KCNQ1: variants seen among roughly 807,000 people sequenced by gnomAD.
The protein encoded by KCNQ1 is potassium voltage-gated channel subfamily KQT member 1.
KCNQ1 carries 49 observed loss-of-function variants against 72.4 expected under a neutral mutation model. That is an observed-to-expected ratio of 0.68 (90% confidence interval 0.54 to 0.86). The LOEUF (loss-of-function observed/expected upper bound fraction) is 0.86, where lower values mean the gene tolerates loss of function less well. Among genes scored for constraint, KCNQ1 ranks in the 40% least tolerant of loss-of-function variants. The pLI, the probability that KCNQ1 is intolerant of heterozygous loss-of-function variation, is 0.00. For synonymous variants in KCNQ1, 450 were observed against 412.6 expected (o/e 1.09, Z -1.10); for missense variants, 790 against 945.1 (o/e 0.84, Z 2.15).
At position 2,751,549 on chromosome 11, in the gene KCNQ1, A is replaced by C. The variant is rs144368861; in HGVS notation, c.1515-17295A>C. Among the ~76,000 whole-genome samples the C allele has an allele frequency of 4.9e-3, 742 of 152,348 alleles. 6 individuals are homozygous for C. Among genetic ancestry groups the C allele is most frequent in the African/African-American group, 0.017 (699 of 41,584 alleles). ...AGCTCCGAAATGAGCATCTGAGTTC[A>C]CTGCTGGTGGGCACCATCCCGGCCA... On this transcript the variant is annotated intron_variant, in intron 11 of 15. Coordinates refer to ENST00000155840, the MANE Select transcript of KCNQ1 (RefSeq NM_000218.3).
chr11:2,668,160 A>C lies in KCNQ1; in HGVS notation c.1514+6079A>C. The C allele has an allele frequency of 2.5e-6, 1 of 398,616 alleles. No homozygotes were observed. Among genetic ancestry groups the C allele is most frequent in the Non-Finnish European group, 4.4e-6 (1 of 226,080 alleles). The allele number at this position is 398,616 out of a possible 1,614,324, so 24.7% of individuals were successfully genotyped here. ...GGGGCTGAAGGGAGAGTGCTCCCTC[A>C]TGCTCCTTGCTGACTGGTGCTCCAT... On this transcript the variant is annotated intron_variant, in intron 11 of 15. Coordinates refer to ENST00000155840, the MANE Select transcript of KCNQ1 (RefSeq NM_000218.3). This position sits in a 1 kb window ranked among gnomAD's most constrained non-coding sequence, Gnocchi z 4.3.
In KCNQ1 at chr11:2,784,084, T is replaced by C. The variant is rs755251137; in HGVS notation, c.1794+6047T>C. 6.6e-6 allele frequency among the ~76,000 whole-genome samples: 1 copy of C among 152,036 alleles called. No individual in the cohort carries two copies. Among genetic ancestry groups the C allele is most frequent in the Non-Finnish European group, 1.5e-5 (1 of 67,876 alleles). The stretch of plus-strand genomic sequence containing the variant: ...TGCCTAATCCAAAGCCATAAACATT[T>C]TCTCCTGTTTTGTTTTGGGTTTTTT... On this transcript the variant is annotated intron_variant, in intron 15 of 15. Coordinates refer to ENST00000155840, the MANE Select transcript of KCNQ1 (RefSeq NM_000218.3). The surrounding 1 kb of genome is among the most constrained non-coding windows in gnomAD (Gnocchi z 4.7).
rs1160930733 is a variant in KCNQ1, at chr11:2,457,278, CCAG to C, written c.386+11798_386+11800del. On this transcript the variant is annotated intron_variant, in intron 1 of 15. Transcript: ENST00000155840. This position sits in a 1 kb window ranked among gnomAD's most constrained non-coding sequence, Gnocchi z 5.0. ...ACCAAGAGTTGAACTACCATTCGATCCAGCAGTCCCGTGTGCTGAGTTTATACC... is the reference window on the plus strand; with the variant it reads ...ACCAAGAGTTGAACTACCATTCGATCCAGTCCCGTGTGCTGAGTTTATACC... Among the ~76,000 whole-genome samples the C allele has an allele frequency of 6.6e-6, 1 of 152,174 alleles. No homozygotes were observed. Among genetic ancestry groups the C allele is most frequent in the African/African-American group, 2.4e-5 (1 of 41,436 alleles).
chr11:2,751,448 G>A (rs1024503966), intron 11 of KCNQ1, among the ~76,000 whole-genome samples: 7 of 152,060 alleles, frequency 4.6e-5, no homozygotes, highest in East Asian at 1.9e-4. Context: ...TCTGTCCCAC[G>A]TTCCACCCCC....
In KCNQ1 at chr11:2,478,098, G is replaced by A. The variant is rs554400528; in HGVS notation, c.386+32614G>A. Among the ~76,000 whole-genome samples, 15 of 152,230 alleles carry A rather than the reference G, an allele frequency of 9.9e-5. No homozygotes were observed. Among genetic ancestry groups the A allele is most frequent in the East Asian group, 5.8e-4 (3 of 5,174 alleles). ...GGACAGGCCAGCTTCACCACCCTCC[G>A]GATGGACAGCCTCGGTAGCAGAACT... On this transcript the variant is annotated intron_variant, in intron 1 of 15. Coordinates refer to ENST00000155840, the MANE Select transcript of KCNQ1 (RefSeq NM_000218.3). The surrounding 1 kb of genome is among the most constrained non-coding windows in gnomAD (Gnocchi z 4.0).
chr11:2,699,638 G>GGGGACAACCGCGCCGAAGAACCCCCA, intron 11 of KCNQ1: 2 of 355,334 alleles, frequency 5.6e-6, no homozygotes, highest in Non-Finnish European at 1.0e-5. Context: ...AAGAACCCCC[G>GGGGACAACCGCGCCGAAGAACCCCCA]GGGACAACCG....
At position 2,752,827 on chromosome 11, in the gene KCNQ1, T is replaced by C. The variant is rs573753510; in HGVS notation, c.1515-16017T>C. On this transcript the variant is annotated intron_variant, in intron 11 of 15. Coordinates refer to ENST00000155840, the MANE Select transcript of KCNQ1 (RefSeq NM_000218.3). The surrounding 1 kb of genome is among the most constrained non-coding windows in gnomAD (Gnocchi z 5.2). ...TCCTGGGGAAACAGAGGAAACTGGT[T>C]CCTTTCTTTCGGTTCTGGGTTATGT... 2.8e-4 allele frequency among the ~76,000 whole-genome samples: 42 copies of C among 152,270 alleles called. No homozygotes were observed. The highest frequency in any genetic ancestry group is 9.9e-4 in the African/African-American group (41 of 41,554).
chr11:2,529,020 A>G (rs1202445331), intron 2 of KCNQ1, among the ~76,000 whole-genome samples: 2 of 152,184 alleles, frequency 1.3e-5, no homozygotes, highest in Non-Finnish European at 2.9e-5. Flanking sequence ...TGTGTGCTCC[A>G]TGGTGGCTGG....
intron 1 of KCNQ1, among the ~76,000 whole-genome samples, chr11:2,522,049 C>T (rs115940925): frequency 1.8e-3 from 269 of 152,358 alleles, no homozygotes; most frequent in African/African-American, 6.2e-3. Context: ...CCCGGGCACC[C>T]GGGGCTGAGA....
intron 2 of KCNQ1, among the ~76,000 whole-genome samples, chr11:2,548,202 T>C (rs368810742): frequency 1.4e-3 from 216 of 152,278 alleles, no homozygotes; most frequent in African/African-American, 5.1e-3. Flanking sequence ...CCCAGGGTCA[T>C]GCGTGTTTGT....
intron 10 of KCNQ1, chr11:2,610,843 G>A (rs1848969614): frequency 2.5e-6 from 1 of 395,372 alleles, no homozygotes; most frequent in Non-Finnish European, 4.4e-6. Context: ...CACCAGAACA[G>A]GGGAGGGTAT....
rs547872191 is a variant in KCNQ1 at position 2,495,855 on chromosome 11, G to A, written c.387-32073G>A. 1.2e-4 allele frequency among the ~76,000 whole-genome samples: 18 copies of A among 152,260 alleles called. No individual in the cohort carries two copies. The highest frequency in any genetic ancestry group is 3.9e-4 in the Admixed American group (6 of 15,298). On this transcript the variant is annotated intron_variant, in intron 1 of 15. Coordinates refer to ENST00000155840, the MANE Select transcript of KCNQ1 (RefSeq NM_000218.3). The surrounding 1 kb of genome is among the most constrained non-coding windows in gnomAD (Gnocchi z 4.6). Reference sequence around the variant, plus strand: ...AGTTCTGTAGATGTCTATTAGGTCCGCTTGGTCCAGAGCTGAGTTCAAGTC... The same window carrying A: ...AGTTCTGTAGATGTCTATTAGGTCCACTTGGTCCAGAGCTGAGTTCAAGTC...
rs976175985 is a variant in KCNQ1, at chr11:2,599,502, T to C, written c.1393+10648T>C. Among the ~76,000 whole-genome samples, 6 of 152,242 alleles carry C rather than the reference T, an allele frequency of 3.9e-5. No homozygotes were observed. Among genetic ancestry groups the C allele is most frequent in the African/African-American group, 1.4e-4 (6 of 41,468 alleles). ...ACATAGGTTCTTGAACCTGTTTCTA[T>C]GTACAGAACTTTTATTTCTATGTGT... On this transcript the variant is annotated intron_variant, in intron 10 of 15. Coordinates refer to ENST00000155840, the MANE Select transcript of KCNQ1 (RefSeq NM_000218.3). The surrounding 1 kb of genome is among the most constrained non-coding windows in gnomAD (Gnocchi z 4.7).
rs1326019545 is a variant in KCNQ1, at chr11:2,690,979, C to T, written c.1514+28898C>T. On this transcript the variant is annotated intron_variant, in intron 11 of 15. Coordinates refer to ENST00000155840, the MANE Select transcript of KCNQ1 (RefSeq NM_000218.3). This position sits in a 1 kb window ranked among gnomAD's most constrained non-coding sequence, Gnocchi z 5.1. ...TCACGGGTATGTGTCAACAAAAGCCCACCAGACCATCAATGAAGTGGGCAA... is the reference window on the plus strand; with the variant it reads ...TCACGGGTATGTGTCAACAAAAGCCTACCAGACCATCAATGAAGTGGGCAA... 1 of 398,550 alleles carries T rather than the reference C, an allele frequency of 2.5e-6. No homozygotes were observed. The highest frequency in any genetic ancestry group is 4.4e-6 in the Non-Finnish European group (1 of 226,092). The allele number at this position is 398,550 out of a possible 1,614,324, so 24.7% of individuals were successfully genotyped here. A position where few individuals can be genotyped will look rare whatever the true frequency, so the allele number is the denominator to read the frequency against.
At chr11:2,517,224 A>T (rs978750019) in intron 1 of KCNQ1, among the ~76,000 whole-genome samples, 1 of 152,034 alleles carries the variant, frequency 6.6e-6, no homozygotes, top group Non-Finnish European at 1.5e-5. Context: ...ATCAGTCCCC[A>T]CCCTGCAGGG....
rs1379346350 is a variant in KCNQ1 at position 2,767,115 on chromosome 11, C to T, written c.1515-1729C>T. ...CCCGGGAGGCGGAGGCTGCAGTGAG[C>T]CGAGGTTGTGCCACTGCACTCCAGC... On this transcript the variant is annotated intron_variant, in intron 11 of 15. Coordinates refer to ENST00000155840, the MANE Select transcript of KCNQ1 (RefSeq NM_000218.3). This position sits in a 1 kb window ranked among gnomAD's most constrained non-coding sequence, Gnocchi z 4.6. Among the ~76,000 whole-genome samples the T allele has an allele frequency of 1.3e-5, 2 of 152,132 alleles. No individual in the cohort carries two copies. Among genetic ancestry groups the T allele is most frequent in the Non-Finnish European group, 2.9e-5 (2 of 68,040 alleles).
At chr11:2,501,227 A>T (rs1168116401) in intron 1 of KCNQ1, among the ~76,000 whole-genome samples, 1 of 140,852 alleles carries the variant, frequency 7.1e-6, no homozygotes, top group Non-Finnish European at 1.5e-5. Flanking sequence ...AAGACAAAAG[A>T]TCAACAAAAT....
Position 2,478,824 on chromosome 11 carries a change from C to A in KCNQ1, c.386+33340C>A. On this transcript the variant is annotated intron_variant, in intron 1 of 15. Coordinates refer to ENST00000155840, the MANE Select transcript of KCNQ1 (RefSeq NM_000218.3). The surrounding 1 kb of genome is among the most constrained non-coding windows in gnomAD (Gnocchi z 4.0). Reference sequence around the variant, plus strand: ...AAAAATCTGCAGTCCAAAGTCTCATCTGAGACCAGGCAAGTCCCTTCCACC... The same window carrying A: ...AAAAATCTGCAGTCCAAAGTCTCATATGAGACCAGGCAAGTCCCTTCCACC... Among the ~76,000 whole-genome samples, 1 of 152,238 alleles carries A rather than the reference C, an allele frequency of 6.6e-6. No individual in the cohort carries two copies. The highest frequency in any genetic ancestry group is 2.4e-5 in the African/African-American group (1 of 41,464).
In KCNQ1 at chr11:2,585,260, C is replaced by T. The variant is rs794728571; in HGVS notation, c.1081C>T (p.Gln361Ter). 1 of 1,614,096 alleles carries T rather than the reference C, an allele frequency of 6.2e-7. No individual in the cohort carries two copies. Among genetic ancestry groups the T allele is most frequent in the Non-Finnish European group, 8.5e-7 (1 of 1,180,022 alleles). ...FALKVQQKQR[Q>*]KHFNRQIPAA... ...CCTGAAGGTGCAGCAGAAGCAGAGG[C>T]AGAAGCACTTCAACCGGCAGATCCC... The change falls in exon 8 of 16, where the codon CAG becomes TAG. Residue 361 changes from glutamine (Q) to a stop codon, truncating the protein, a stop_gained. Transcript: ENST00000155840. LOFTEE classifies it high-confidence loss of function.
Sources: gnomAD v4.1 joint callset for allele counts (sites outside exome capture counted in the v4.1 genomes callset) on GRCh38, gnomAD v4.1.1 for gene constraint, Gnocchi (gnomAD v3.1) non-coding constraint, MANE v1.5 for transcripts, NCBI Gene and HGNC (gene_info 2026-07-23, HGNC 2026-07-21) for gene names.